BRINP3: variants seen among roughly 807,000 people sequenced by gnomAD.
BRINP3 encodes the protein BMP/retinoic acid-inducible neural-specific protein 3.
A neutral mutation model predicts 71.0 loss-of-function variants in BRINP3; 19 were observed. The observed-to-expected ratio is 0.27, with a 90% CI of 0.19 to 0.39. The LOEUF is 0.39. Ranked by LOEUF, BRINP3 falls within the 10% of genes least tolerant of loss-of-function variation. BRINP3 has a pLI of 1.00. For missense variants in BRINP3, 959 were observed against 940.8 expected, an observed-to-expected ratio of 1.02 and a Z score of -0.25; for synonymous variants, 380 against 337.7, an observed-to-expected ratio of 1.13 and a Z score of -1.37.
At chr1:190,203,792 TATATATATATATATATATATATAA>T (rs1655243595) in intron 6 of BRINP3, among the ~76,000 whole-genome samples, 12 of 94,674 alleles carry the variant, frequency 1.3e-4, no homozygotes, top group African/African-American at 5.1e-4. Context: ...TATATATATA[TATATATATATATATATATATATAA>T]ATGAAAACAA....
At chr1:190,276,771 G>A (rs1000153652) in intron 3 of BRINP3, among the ~76,000 whole-genome samples, 1 of 150,656 alleles carries the variant, frequency 6.6e-6, no homozygotes, top group African/African-American at 2.4e-5. Context: ...TTCCAACAAT[G>A]AAGAGAATTT....
Position 190,243,917 on chromosome 1 carries a change from A to T in BRINP3, c.619-9440T>A, listed in dbSNP as rs1327489049. On this transcript the variant is annotated intron_variant, in intron 4 of 7. Transcript: ENST00000367462. The stretch of plus-strand genomic sequence containing the variant: ...ACATTAAAGACTGATTTTACTTTTT[A>T]ATCTTTATTGTTTTTCTATGCATTT... Among the ~76,000 whole-genome samples the T allele has an allele frequency of 3.3e-5, 5 of 152,114 alleles. 1 individual carries two copies. The highest frequency in any genetic ancestry group is 3.3e-4 in the Admixed American group (5 of 15,256).
At chr1:190,252,304 G>A (rs182093779) in intron 4 of BRINP3, among the ~76,000 whole-genome samples, 82 of 152,182 alleles carry the variant, frequency 5.4e-4, no homozygotes, top group African/African-American at 1.9e-3. Flanking sequence ...CTGTGATCTT[G>A]ATGCACTGGA....
intron 2 of BRINP3, among the ~76,000 whole-genome samples, chr1:190,421,667 T>C (rs937458629): frequency 6.6e-6 from 1 of 151,724 alleles, no homozygotes; most frequent in Non-Finnish European, 1.5e-5. Context: ...GTAGTTGCTA[T>C]GTGATAGATA....
chr1:190,319,156 T>C (rs1337883227), intron 2 of BRINP3, among the ~76,000 whole-genome samples: 1 of 152,152 alleles, frequency 6.6e-6, no homozygotes, highest in East Asian at 1.9e-4. Flanking sequence ...CTGACTCAAA[T>C]ATCGCACCTT....
chr1:190,259,175 C>T (rs1660945810), intron 4 of BRINP3, among the ~76,000 whole-genome samples: 1 of 151,250 alleles, frequency 6.6e-6, no homozygotes, highest in Admixed American at 6.6e-5. Context: ...CTACCAAAAC[C>T]AGACAGATGT....
At chr1:190,196,081 T>C (rs1355364826) in intron 6 of BRINP3, among the ~76,000 whole-genome samples, 1 of 152,140 alleles carries the variant, frequency 6.6e-6, no homozygotes, top group Non-Finnish European at 1.5e-5. Flanking sequence ...ATGTAACATT[T>C]TCAAAACCAA....
chr1:190,188,903 G>A (rs1194389946), intron 6 of BRINP3, among the ~76,000 whole-genome samples: 1 of 151,938 alleles, frequency 6.6e-6, no homozygotes, highest in Non-Finnish European at 1.5e-5. Context: ...TCCAATTACA[G>A]GAGCTTCCCA....
chr1:190,312,345 A>T (rs931786358), intron 2 of BRINP3, among the ~76,000 whole-genome samples: 3 of 151,484 alleles, frequency 2.0e-5, no homozygotes, highest in Non-Finnish European at 4.4e-5. Context: ...ACACTAAAGC[A>T]TCAAGAAAAG....
chr1:190,291,441 T>C lies in BRINP3; in HGVS notation c.237-9691A>G, dbSNP rs199778361. 4.6e-5 allele frequency among the ~76,000 whole-genome samples: 7 copies of C among 151,552 alleles called. No individual in the cohort carries two copies. In the East Asian group the frequency reaches 1.4e-3, roughly 29 times the overall value. On this transcript the variant is annotated intron_variant, in intron 2 of 7. Coordinates refer to ENST00000367462, the MANE Select transcript of BRINP3 (RefSeq NM_199051.3). The stretch of plus-strand genomic sequence containing the variant: ...AAAATATATAAGGTGCTAAAATAAA[T>C]CAATAATAAAAAGTAAAACAAATAA...
chr1:190,264,315 T>C (rs879636403), intron 4 of BRINP3, among the ~76,000 whole-genome samples: 8 of 152,200 alleles, frequency 5.3e-5, no homozygotes, highest in Admixed American at 5.2e-4. Flanking sequence ...CACATAATAT[T>C]AATCCACCAA....
chr1:190,141,923 AG>A (rs1655485319), intron 7 of BRINP3, among the ~76,000 whole-genome samples: 1 of 152,138 alleles, frequency 6.6e-6, no homozygotes. Flanking sequence ...CATCCCAAGT[AG>A]TTAATGTGAG....
Position 190,398,030 on chromosome 1 carries a change from G to T in BRINP3, c.236+56625C>A, listed in dbSNP as rs114098586. Among the ~76,000 whole-genome samples, 284 of 152,054 alleles carry T rather than the reference G, an allele frequency of 1.9e-3. 3 individuals are homozygous for T. The highest frequency in any genetic ancestry group is 6.4e-3 in the African/African-American group (265 of 41,516). On this transcript the variant is annotated intron_variant, in intron 2 of 7. Transcript: ENST00000367462. ...ATATGTACCTGGAGCATATGTTAAAGGAAGTATGTGTTCTTTTAAGCCACA... is the reference window on the plus strand; with the variant it reads ...ATATGTACCTGGAGCATATGTTAAATGAAGTATGTGTTCTTTTAAGCCACA...
At chr1:190,342,365 G>C (rs1254527099) in intron 2 of BRINP3, 1 of 111,998 alleles carries the variant, frequency 8.9e-6, no homozygotes, top group Non-Finnish European at 1.8e-5. Flanking sequence ...CATGGTTAGG[G>C]CTTTCTGTGC....
intron 2 of BRINP3, among the ~76,000 whole-genome samples, chr1:190,331,188 C>T (rs542701727): frequency 2.0e-5 from 3 of 151,996 alleles, no homozygotes; most frequent in African/African-American, 4.8e-5. Flanking sequence ...TTATGGCGTT[C>T]TCATCATTCT....
At position 190,286,361 on chromosome 1, in the gene BRINP3, C is replaced by T. The variant is rs552773444; in HGVS notation, c.237-4611G>A. ...CACATAATTGCCACATTGCCATTAACCTTTCTTATTAGCATTTAAATATAT... is the reference window on the plus strand; with the variant it reads ...CACATAATTGCCACATTGCCATTAATCTTTCTTATTAGCATTTAAATATAT... On this transcript the variant is annotated intron_variant, in intron 2 of 7. Transcript: ENST00000367462. 6.0e-4 allele frequency among the ~76,000 whole-genome samples: 91 copies of T among 152,042 alleles called. 1 individual carries two copies. Among genetic ancestry groups the T allele is most frequent in the Non-Finnish European group, 1.1e-3 (77 of 68,012 alleles).
At chr1:190,106,443 A>C (rs1652171429) in intron 7 of BRINP3, among the ~76,000 whole-genome samples, 1 of 151,708 alleles carries the variant, frequency 6.6e-6, no homozygotes, top group Non-Finnish European at 1.5e-5. Context: ...AAATCTAAAC[A>C]ATAAATTTTA....
At chr1:190,184,006 T>C (rs1653277620) in intron 6 of BRINP3, among the ~76,000 whole-genome samples, 1 of 152,122 alleles carries the variant, frequency 6.6e-6, no homozygotes, top group Non-Finnish European at 1.5e-5. Flanking sequence ...TCTGTTCCCA[T>C]TGGTATTTTC....
intron 7 of BRINP3, among the ~76,000 whole-genome samples, chr1:190,155,629 TA>T (rs140034933): frequency 0.017 from 2,528 of 152,172 alleles, 59 homozygotes; most frequent in African/African-American, 0.057. Flanking sequence ...TCTGTTCCCC[TA>T]CTCAAATCTC....
Sources: allele counts gnomAD v4.1 joint callset (sites outside exome capture counted in the v4.1 genomes callset), GRCh38; gene constraint gnomAD v4.1.1; transcripts MANE v1.5; gene names NCBI Gene and HGNC (gene_info 2026-07-23, HGNC 2026-07-21).